TRPC1: variants seen among roughly 807,000 people sequenced by gnomAD.
TRPC1 encodes the protein transient receptor potential cation channel subfamily C member 1.
Under a neutral mutation model 88.2 loss-of-function variants are expected in TRPC1, and 42 were observed. The ratio of observed to expected loss-of-function variants is 0.48; its 90% confidence interval spans 0.37 to 0.62. TRPC1 has a LOEUF of 0.62. Among genes scored for constraint, TRPC1 ranks in the 20% least tolerant of loss-of-function variants. TRPC1 has a pLI of 0.00. For synonymous variants in TRPC1, 288 were observed against 331.8 expected, an observed-to-expected ratio of 0.87 and a Z score of 1.43; for missense variants, 699 against 957.3, an observed-to-expected ratio of 0.73 and a Z score of 3.56.
At chr3:142,762,849 A>G (rs780815514) in intron 4 of TRPC1, among the ~76,000 whole-genome samples, 24 of 152,128 alleles carry the variant, frequency 1.6e-4, no homozygotes, top group Non-Finnish European at 2.6e-4. Flanking sequence ...GCTCTGTCTC[A>G]TAGATTTTGG....
chr3:142,730,894 C>T (rs944914984), intron 1 of TRPC1, among the ~76,000 whole-genome samples: 2 of 152,174 alleles, frequency 1.3e-5, no homozygotes, highest in Admixed American at 6.5e-5. Flanking sequence ...TTCTCTCACA[C>T]TTCACAACTA....
At chr3:142,793,131 C>T (rs1936343176) in intron 9 of TRPC1, among the ~76,000 whole-genome samples, 164 bp downstream of exon 9, 1 of 152,062 alleles carries the variant, frequency 6.6e-6, no homozygotes, top group African/African-American at 2.4e-5. Flanking sequence ...TACTTTGCTT[C>T]TGGCTCAGTG....
At chr3:142,756,131 A>G (rs1934951349) in intron 4 of TRPC1, among the ~76,000 whole-genome samples, 1 of 152,204 alleles carries the variant, frequency 6.6e-6, no homozygotes, top group Non-Finnish European at 1.5e-5. Flanking sequence ...GTATGGTTAT[A>G]GTACCACCTT....
rs186816543 is a variant in TRPC1, at chr3:142,726,913, C to G, written c.172+2182C>G. Among the ~76,000 whole-genome samples the G allele has an allele frequency of 5.3e-3, 806 of 152,286 alleles. 7 individuals carry two copies. The highest frequency in any genetic ancestry group is 8.7e-3 in the Non-Finnish European group (590 of 68,012). On this transcript the variant is annotated intron_variant, in intron 1 of 12. Transcript: ENST00000476941. ...AACCCCACAACCCCATGAGCCAGAT[C>G]TGTTGTTGTCCTCAATTTGTAGATG...
intron 2 of TRPC1, among the ~76,000 whole-genome samples, chr3:142,738,553 T>C (rs938312015): frequency 3.9e-5 from 6 of 152,204 alleles, no homozygotes; most frequent in African/African-American, 1.2e-4. Flanking sequence ...AATGATTTTG[T>C]CACCATAAGG....
chr3:142,760,517 T>C (rs1935146516), intron 4 of TRPC1, among the ~76,000 whole-genome samples: 1 of 152,212 alleles, frequency 6.6e-6, no homozygotes, highest in African/African-American at 2.4e-5. Flanking sequence ...GGTAATGTGA[T>C]GCTTCCAGCT....
chr3:142,735,064 A>C (rs566029658), intron 1 of TRPC1, among the ~76,000 whole-genome samples: 1 of 152,206 alleles, frequency 6.6e-6, no homozygotes, highest in African/African-American at 2.4e-5. Flanking sequence ...TTTCCCAGGG[A>C]GCATTTGTGT....
intron 12 of TRPC1, among the ~76,000 whole-genome samples, chr3:142,805,127 TATAC>T (rs774171507): frequency 5.1e-3 from 616 of 120,452 alleles, no homozygotes; most frequent in East Asian, 8.0e-3. Flanking sequence ...CAAATATATA[TATAC>T]ACACACACAC....
intron 6 of TRPC1, 30 bp downstream of exon 6, chr3:142,781,059 T>G: frequency 6.4e-7 from 1 of 1,562,304 alleles, no homozygotes; most frequent in Non-Finnish European, 8.6e-7. Context: ...ATATTTAAAT[T>G]ATTTTCTCTA....
chr3:142,805,125 T>C (rs923338996), intron 12 of TRPC1, among the ~76,000 whole-genome samples: 1 of 123,742 alleles, frequency 8.1e-6, no homozygotes, highest in African/African-American at 3.5e-5. Flanking sequence ...AACAAATATA[T>C]ATATACACAC....
intron 4 of TRPC1, among the ~76,000 whole-genome samples, chr3:142,768,323 C>T (rs1448592845): frequency 1.3e-5 from 2 of 151,940 alleles, no homozygotes; most frequent in Non-Finnish European, 2.9e-5. Flanking sequence ...TCAGTTTTTG[C>T]TTTGTATATT....
rs186753745 is a variant in TRPC1 at position 142,728,548 on chromosome 3, C to A, written c.172+3817C>A. Among the ~76,000 whole-genome samples the A allele has an allele frequency of 5.8e-3, 888 of 151,988 alleles. 12 individuals carry two copies. The highest frequency in any genetic ancestry group is 0.02 in the African/African-American group (850 of 41,468). Reference sequence around the variant, plus strand: ...GTTGGCCAGGCTGGTCTCAAACTCCCGACCTCGAGTGATCCACCCGCCTCG... The same window carrying A: ...GTTGGCCAGGCTGGTCTCAAACTCCAGACCTCGAGTGATCCACCCGCCTCG... On this transcript the variant is annotated intron_variant, in intron 1 of 12. Transcript: ENST00000476941.
chr3:142,752,601 A>G (rs1934811696), intron 4 of TRPC1, among the ~76,000 whole-genome samples: 1 of 151,826 alleles, frequency 6.6e-6, no homozygotes, highest in South Asian at 2.1e-4. Context: ...CTCTTTTACT[A>G]ATCCACCTCA....
Position 142,776,045 on chromosome 3 carries a change from A to G in TRPC1, c.633-1587A>G, listed in dbSNP as rs1935757366. Among the ~76,000 whole-genome samples, 3 of 152,358 alleles carry G rather than the reference A, an allele frequency of 2.0e-5. No individual in the cohort carries two copies. The South Asian group carries it at 6.2e-4, about 32-fold the overall frequency. On this transcript the variant is annotated intron_variant, in intron 4 of 12. Transcript: ENST00000476941. The surrounding 1 kb of genome is among the most constrained non-coding windows in gnomAD (Gnocchi z 4.1). ...TTTTTTATAGCAGAAAAAAATTAGA[A>G]GCCACCTAAATGTTCATTAATGGAG...
At chr3:142,756,068 A>G (rs575730168) in intron 4 of TRPC1, among the ~76,000 whole-genome samples, 2 of 152,194 alleles carry the variant, frequency 1.3e-5, no homozygotes, top group East Asian at 3.9e-4. Context: ...GTCCATCCAT[A>G]TTGTTTCATA....
intron 5 of TRPC1, among the ~76,000 whole-genome samples, chr3:142,779,212 A>T (rs1441837354): frequency 1.3e-5 from 2 of 152,164 alleles, no homozygotes; most frequent in Non-Finnish European, 2.9e-5. Context: ...TAGACAGGGG[A>T]GGAGATTTAT....
chr3:142,773,147 C>G (rs1935632946), intron 4 of TRPC1, among the ~76,000 whole-genome samples: 1 of 152,176 alleles, frequency 6.6e-6, no homozygotes, highest in South Asian at 2.1e-4. Context: ...TACAATTCAA[C>G]CCATAGCAAG....
At position 142,806,479 on chromosome 3, in the gene TRPC1, A is replaced by C. The variant is rs1936797507; in HGVS notation, c.*244A>C. 3.4e-6 allele frequency: 1 copy of C among 294,240 alleles called. No homozygotes were observed. The highest frequency in any genetic ancestry group is 6.3e-6 in the Non-Finnish European group (1 of 158,804). The allele number at this position is 294,240 out of a possible 1,614,324, so 18.2% of individuals were successfully genotyped here. A position where few individuals can be genotyped will look rare whatever the true frequency, so the allele number is the denominator to read the frequency against. On this transcript the variant is annotated 3_prime_UTR_variant, in exon 13 of 13. Transcript: ENST00000476941. ...GATTAAGTAGATAGATTTTGTTAGC[A>C]TGCTGCTTGGTTTTCTTACTTAGTG...
At chr3:142,793,001 T>C (rs752088182) in intron 9 of TRPC1, 34 bp downstream of exon 9, 1 of 1,526,820 alleles carries the variant, frequency 6.5e-7, no homozygotes, top group South Asian at 1.2e-5. Context: ...GAACATTTTT[T>C]AGATGTCATT....
Sources: allele counts gnomAD v4.1 joint callset (sites outside exome capture counted in the v4.1 genomes callset), GRCh38; gene constraint gnomAD v4.1.1; non-coding constraint Gnocchi (gnomAD v3.1); transcripts MANE v1.5; gene names NCBI Gene and HGNC (gene_info 2026-07-23, HGNC 2026-07-21).